TMEM74: variants seen among roughly 807,000 people sequenced by gnomAD.
TMEM74 encodes the protein transmembrane protein 74.
In TMEM74, 13 loss-of-function variants were observed where a neutral mutation model predicts 18.1. That is an observed-to-expected ratio of 0.72 (90% CI 0.47 to 1.14). The LOEUF (loss-of-function observed/expected upper bound fraction) is 1.14, where lower values mean the gene tolerates loss of function less well. Among genes scored for constraint, TMEM74 ranks in the 50% most tolerant of loss-of-function variants. TMEM74 has a pLI of 0.00. For synonymous variants in TMEM74, 159 were observed against 146.6 expected (o/e 1.08, Z -0.61); for missense variants, 372 against 375.9 (o/e 0.99, Z 0.09).
chr8:108,629,831 G>A (rs1358195902), intron 2 of TMEM74, among the ~76,000 whole-genome samples: 1 of 152,010 alleles, frequency 6.6e-6, no homozygotes, highest in African/African-American at 2.4e-5. Context: ...GCTCCTGAAA[G>A]AAGCACTAAA....
intron 1 of TMEM74, among the ~76,000 whole-genome samples, chr8:108,685,141 T>C (rs560492715): frequency 6.6e-6 from 1 of 152,206 alleles, no homozygotes; most frequent in African/African-American, 2.4e-5. Flanking sequence ...CTTGTAGAGA[T>C]TTTTCACTTC....
intron 1 of TMEM74, among the ~76,000 whole-genome samples, chr8:108,765,279 C>T (rs899031669): frequency 1.3e-5 from 2 of 152,078 alleles, no homozygotes; most frequent in African/African-American, 4.8e-5. Context: ...CTCTCACTGT[C>T]AGTGATACTG....
At chr8:108,785,401 G>A (rs866690236) in intron 1 of TMEM74, among the ~76,000 whole-genome samples, 1 of 152,174 alleles carries the variant, frequency 6.6e-6, no homozygotes, top group South Asian at 2.1e-4. Context: ...TGTCTACTGA[G>A]AAAGAATACT....
At chr8:108,679,270 G>A (rs1813088283) in intron 1 of TMEM74, among the ~76,000 whole-genome samples, 2 of 152,094 alleles carry the variant, frequency 1.3e-5, no homozygotes, top group Admixed American at 6.6e-5. Flanking sequence ...CCCAGTAATG[G>A]GATGGCTGGG....
At chr8:108,652,689 C>T (rs1812786194) in intron 2 of TMEM74, 1 of 565,894 alleles carries the variant, frequency 1.8e-6, no homozygotes, top group Middle Eastern at 2.9e-4. Flanking sequence ...AGGAATCTGC[C>T]CCTAACACAG....
intron 2 of TMEM74, among the ~76,000 whole-genome samples, chr8:108,632,880 C>T (rs888040778): frequency 1.3e-5 from 2 of 151,944 alleles, no homozygotes; most frequent in African/African-American, 2.4e-5. Context: ...CTCTGATGAA[C>T]ATTAAGTAGA....
chr8:108,673,785 T>A (rs1212148098), intron 1 of TMEM74, among the ~76,000 whole-genome samples: 1 of 152,136 alleles, frequency 6.6e-6, no homozygotes, highest in Non-Finnish European at 1.5e-5. Context: ...TCAGCTGAGA[T>A]CAGAACAGAT....
At chr8:108,618,383 C>G (rs147666848) in intron 2 of TMEM74, among the ~76,000 whole-genome samples, 19 of 152,224 alleles carry the variant, frequency 1.2e-4, no homozygotes, top group African/African-American at 4.3e-4. Context: ...TTTTGGAACT[C>G]AAACTTCACT....
chr8:108,714,746 T>C (rs767838817), intron 1 of TMEM74, among the ~76,000 whole-genome samples: 2 of 152,152 alleles, frequency 1.3e-5, no homozygotes, highest in African/African-American at 2.4e-5. Context: ...TGCAACACTA[T>C]TCACAATAGC....
chr8:108,631,505 T>C lies in TMEM74; in HGVS notation n.265-22679A>G, dbSNP rs527954908. 6.6e-5 allele frequency among the ~76,000 whole-genome samples: 10 copies of C among 152,178 alleles called. No individual in the cohort carries two copies. The East Asian group carries it at 1.9e-3, about 29-fold the overall frequency. ...ACTCAAAACACTCAGCATATTTAGG[T>C]AGAGACTTGTATTTGGTTTGAGACT... On this transcript the variant is annotated intron_variant and non_coding_transcript_variant, in intron 2 of 3. Coordinates refer to the TMEM74 transcript ENST00000518838.
At chr8:108,617,217 A>G (rs946386123) in intron 2 of TMEM74, among the ~76,000 whole-genome samples, 1 of 151,868 alleles carries the variant, frequency 6.6e-6, no homozygotes, top group Non-Finnish European at 1.5e-5. Context: ...AAGTAGAAGG[A>G]GCCAATGTGG....
At chr8:108,758,308 C>A (rs995754312) in intron 1 of TMEM74, among the ~76,000 whole-genome samples, 2 of 151,748 alleles carry the variant, frequency 1.3e-5, no homozygotes. Context: ...ACCAAAGATC[C>A]CTAAAATTTA....
chr8:108,656,892 T>C (rs559528580), intron 1 of TMEM74, among the ~76,000 whole-genome samples: 10 of 152,190 alleles, frequency 6.6e-5, no homozygotes, highest in Non-Finnish European at 1.2e-4. Context: ...TTTTCTCATA[T>C]TGAACTTGAA....
At chr8:108,740,827 A>T (rs377494904) in intron 1 of TMEM74, among the ~76,000 whole-genome samples, 2 of 152,156 alleles carry the variant, frequency 1.3e-5, no homozygotes, top group Non-Finnish European at 2.9e-5. Context: ...AAAAACCAAT[A>T]AGTTCTTGTC....
At chr8:108,704,143 A>ATCTTGGAAGAGAAGAGATATAGTAATATC (rs1813366026) in intron 1 of TMEM74, among the ~76,000 whole-genome samples, 1 of 152,218 alleles carries the variant, frequency 6.6e-6, no homozygotes, top group Admixed American at 6.5e-5. Context: ...GCCTGTTTAT[A>ATCTTGGAAGAGAAGAGATATAGTAATATC]TCTTGGAAGA....
At chr8:108,760,164 G>C (rs527717582) in intron 1 of TMEM74, among the ~76,000 whole-genome samples, 1 of 151,320 alleles carries the variant, frequency 6.6e-6, no homozygotes, top group African/African-American at 2.4e-5. Flanking sequence ...GAGAGAGAGA[G>C]AGAGAGAGAG....
rs116805878 is a variant in TMEM74, at chr8:108,728,140, G to T, written n.119+59336C>A. Among the ~76,000 whole-genome samples, 622 of 152,322 alleles carry T rather than the reference G, an allele frequency of 4.1e-3. 4 individuals carry two copies. The highest frequency in any genetic ancestry group is 0.014 in the African/African-American group (572 of 41,578). ...TAATTAGTATAGCAGCTCTTTTAAG[G>T]AGTTTTGCTGCAAATGGGGCTTTTT... On this transcript the variant is annotated intron_variant and non_coding_transcript_variant, in intron 1 of 3. Coordinates refer to the TMEM74 transcript ENST00000518838.
At chr8:108,633,395 T>C (rs926414026) in intron 2 of TMEM74, among the ~76,000 whole-genome samples, 1 of 152,064 alleles carries the variant, frequency 6.6e-6, no homozygotes, top group African/African-American at 2.4e-5. Flanking sequence ...CACTCCTTTC[T>C]TTTTCTACCT....
intron 1 of TMEM74, among the ~76,000 whole-genome samples, chr8:108,710,857 G>A (rs991691070): frequency 6.6e-6 from 1 of 152,088 alleles, no homozygotes; most frequent in African/African-American, 2.4e-5. Flanking sequence ...GTGTTAGCAG[G>A]GCAATTATAC....
Sources: allele counts gnomAD v4.1 joint callset (sites outside exome capture counted in the v4.1 genomes callset), GRCh38; gene constraint gnomAD v4.1.1; transcripts MANE v1.5; gene names NCBI Gene and HGNC (gene_info 2026-07-23, HGNC 2026-07-21).